KCNN2: variants seen among roughly 807,000 people sequenced by gnomAD.
KCNN2 encodes the protein potassium calcium-activated channel subfamily N member 2, also known as small conductance calcium-activated potassium channel protein 2.
KCNN2 carries 24 observed loss-of-function variants against 55.5 expected under a neutral mutation model. That is an observed-to-expected ratio of 0.43 (90% CI 0.31 to 0.61). KCNN2 has a LOEUF of 0.61. Ranked by LOEUF, KCNN2 falls within the 20% of genes least tolerant of loss-of-function variation. KCNN2 has a pLI of 0.08. For synonymous variants in KCNN2, 431 were observed against 336.1 expected, an observed-to-expected ratio of 1.28 and a Z score of -3.09; for missense variants, 754 against 853.6, an observed-to-expected ratio of 0.88 and a Z score of 1.45.
intron 1 of KCNN2, among the ~76,000 whole-genome samples, chr5:114,163,959 G>T (rs1752854173): frequency 6.6e-6 from 1 of 152,072 alleles, no homozygotes; most frequent in African/African-American, 2.4e-5. Context: ...ATTAGTCATG[G>T]GTGTAGAATA....
At chr5:114,452,710 TA>T (rs1760747710) in intron 3 of KCNN2, among the ~76,000 whole-genome samples, 1 of 152,140 alleles carries the variant, frequency 6.6e-6, no homozygotes, top group South Asian at 2.1e-4. Context: ...GGATTCCTTT[TA>T]ACACTTCCCA....
At chr5:114,461,122 G>C (rs997947173) in intron 3 of KCNN2, among the ~76,000 whole-genome samples, 1 of 152,144 alleles carries the variant, frequency 6.6e-6, no homozygotes, top group Non-Finnish European at 1.5e-5. Flanking sequence ...CGCATAGCAG[G>C]CTCCCAGAGC....
chr5:114,099,052 A>G (rs575528862), intron 1 of KCNN2, among the ~76,000 whole-genome samples: 4 of 152,150 alleles, frequency 2.6e-5, no homozygotes, highest in African/African-American at 7.2e-5. Flanking sequence ...TTTACCACAT[A>G]TTAGGCTTTT....
chr5:114,406,557 A>G (rs1758940779), intron 3 of KCNN2, among the ~76,000 whole-genome samples: 1 of 152,032 alleles, frequency 6.6e-6, no homozygotes. Context: ...TTCTGGAAGA[A>G]ATAGTTGCCT....
At chr5:114,435,591 G>A (rs1759976177) in intron 3 of KCNN2, among the ~76,000 whole-genome samples, 2 of 151,642 alleles carry the variant, frequency 1.3e-5, no homozygotes, top group African/African-American at 4.8e-5. Context: ...CCAAATATAG[G>A]CATCACAGAA....
chr5:114,428,125 A>G (rs1171076920), intron 3 of KCNN2, among the ~76,000 whole-genome samples: 2 of 152,188 alleles, frequency 1.3e-5, no homozygotes, highest in African/African-American at 4.8e-5. Flanking sequence ...CTCTGTTTAT[A>G]TCTTTCATAT....
In KCNN2 at chr5:114,139,466, C is replaced by CA. The variant is rs1286723919; in HGVS notation, c.-270-82014_-270-82013insA. Among the ~76,000 whole-genome samples the CA allele has an allele frequency of 2.7e-5, 4 of 149,782 alleles. 1 individual carries two copies. In the East Asian group the frequency reaches 7.8e-4, roughly 29 times the overall value. On this transcript the variant is annotated intron_variant, in intron 1 of 10. Coordinates refer to the KCNN2 transcript ENST00000512097. The stretch of plus-strand genomic sequence containing the variant: ...ACACACACTCACACAACCACCCCCC[C>CA]CACACACACACACCAGAAAGGAAAA...
At chr5:114,277,703 T>C (rs1351781704) in intron 2 of KCNN2, among the ~76,000 whole-genome samples, 1 of 152,214 alleles carries the variant, frequency 6.6e-6, no homozygotes, top group Non-Finnish European at 1.5e-5. Context: ...ATTTAAGGTC[T>C]TCTCTACACT....
intron 2 of KCNN2, among the ~76,000 whole-genome samples, chr5:114,225,892 T>C (rs779463357): frequency 2.0e-5 from 3 of 152,218 alleles, no homozygotes; most frequent in Non-Finnish European, 2.9e-5. Flanking sequence ...AAATGAATAT[T>C]TAAGCTTGTC....
intron 7 of KCNN2, 90 bp from the exon 8 acceptor site, chr5:114,495,805 C>T: frequency 7.9e-7 from 1 of 1,269,944 alleles, no homozygotes; most frequent in Non-Finnish European, 1.1e-6. Context: ...TGAATGCCAC[C>T]AGCAAGAGAC....
At chr5:114,388,148 G>C (rs1758342852) in intron 2 of KCNN2, among the ~76,000 whole-genome samples, 1 of 152,102 alleles carries the variant, frequency 6.6e-6, no homozygotes, top group Non-Finnish European at 1.5e-5. Flanking sequence ...TGGATGTATA[G>C]TTTGGTTCAT....
chr5:114,400,769 C>T (rs1284092474), intron 2 of KCNN2, among the ~76,000 whole-genome samples: 1 of 152,118 alleles, frequency 6.6e-6, no homozygotes, highest in African/African-American at 2.4e-5. Flanking sequence ...AATATTATTC[C>T]TCTGGTTGTT....
intron 2 of KCNN2, among the ~76,000 whole-genome samples, chr5:114,365,555 G>A (rs909376703): frequency 6.6e-6 from 1 of 152,194 alleles, no homozygotes; most frequent in African/African-American, 2.4e-5. Context: ...AGCAGAGGTA[G>A]CTTGCCGGGC....
upstream of KCNN2, chr5:114,056,065 C>T (rs1386581503): frequency 6.9e-6 from 2 of 291,048 alleles, no homozygotes; most frequent in African/African-American, 4.3e-5. Flanking sequence ...AGGAGGGAGT[C>T]CCCAGTCCCG....
chr5:114,490,905 T>A (rs553754861), intron 6 of KCNN2, among the ~76,000 whole-genome samples: 14 of 152,146 alleles, frequency 9.2e-5, no homozygotes, highest in Non-Finnish European at 1.6e-4. Context: ...GGGAAAAGTG[T>A]AATACACATC....
chr5:114,272,508 A>G (rs192620103), intron 2 of KCNN2, among the ~76,000 whole-genome samples: 1 of 152,272 alleles, frequency 6.6e-6, no homozygotes, highest in African/African-American at 2.4e-5. Flanking sequence ...ATACATATGT[A>G]TGTACACACA....
At chr5:114,145,159 TAAATC>T (rs767103884) in intron 1 of KCNN2, among the ~76,000 whole-genome samples, 1 of 152,180 alleles carries the variant, frequency 6.6e-6, no homozygotes, top group Non-Finnish European at 1.5e-5. Context: ...AAAAAGGAGT[TAAATC>T]TACGATATAA....
intron 2 of KCNN2, among the ~76,000 whole-genome samples, chr5:114,266,579 C>T (rs1580674460): frequency 6.6e-6 from 1 of 152,148 alleles, no homozygotes; most frequent in East Asian, 1.9e-4. Flanking sequence ...GGCAGCCCTG[C>T]TCCTAGCTAC....
intron 2 of KCNN2, among the ~76,000 whole-genome samples, chr5:114,280,559 T>G (rs3112746): frequency 0.9 from 136,570 of 152,212 alleles, 61,677 homozygotes; most frequent in East Asian, 0.94. Context: ...AAATAGGTAA[T>G]TCTTTCCCCA....
Sources: gnomAD v4.1 joint callset for allele counts (sites outside exome capture counted in the v4.1 genomes callset) on GRCh38, gnomAD v4.1.1 for gene constraint, MANE v1.5 for transcripts, NCBI Gene and HGNC (gene_info 2026-07-23, HGNC 2026-07-21) for gene names.